CSMD3: variants seen among roughly 807,000 people sequenced by gnomAD.
The protein encoded by CSMD3 is CUB and sushi domain-containing protein 3.
CSMD3 carries 177 observed loss-of-function variants against 435.2 expected under a neutral mutation model. That is an observed-to-expected ratio of 0.41 (90% CI 0.36 to 0.46). The LOEUF is 0.46. CSMD3 is among the 20% of genes least tolerant of loss of function. The probability of loss-of-function intolerance (pLI) is 0.34; values close to 1 mark genes in which losing one functional copy is unlikely to be tolerated. For missense variants in CSMD3, 4,265 were observed against 4,504.6 expected (o/e 0.95, Z 1.52); for synonymous variants, 1,656 against 1,520.5 (o/e 1.09, Z -2.07).
chr8:112,879,322 C>G (rs1185570070), intron 10 of CSMD3, among the ~76,000 whole-genome samples: 1 of 152,056 alleles, frequency 6.6e-6, no homozygotes, highest in African/African-American at 2.4e-5. Flanking sequence ...CCCAGGCTTG[C>G]TAGGATTAGG....
At chr8:112,946,773 G>A (rs980378584) in intron 9 of CSMD3, among the ~76,000 whole-genome samples, 12 of 151,694 alleles carry the variant, frequency 7.9e-5, no homozygotes, top group Admixed American at 2.6e-4. Flanking sequence ...AGTTTCGAGC[G>A]TGGTTAAAGT....
intron 32 of CSMD3, among the ~76,000 whole-genome samples, chr8:112,445,513 G>T (rs551590032): frequency 3.3e-5 from 5 of 152,172 alleles, no homozygotes; most frequent in African/African-American, 1.2e-4. Context: ...GTGGGGGAAG[G>T]TGCCACATTC....
chr8:112,905,880 T>C (rs1383275402), intron 10 of CSMD3, among the ~76,000 whole-genome samples: 1 of 151,438 alleles, frequency 6.6e-6, no homozygotes, highest in East Asian at 2.0e-4. Flanking sequence ...CCTAAATTCA[T>C]ATGTTGATGT....
chr8:112,258,661 G>A (rs936138390), intron 61 of CSMD3, among the ~76,000 whole-genome samples: 9 of 152,144 alleles, frequency 5.9e-5, no homozygotes, highest in Admixed American at 1.3e-4. Flanking sequence ...AAATAGGAAC[G>A]CTTTTACACT....
At chr8:112,746,852 C>A (rs887251466) in intron 13 of CSMD3, among the ~76,000 whole-genome samples, 9 of 152,022 alleles carry the variant, frequency 5.9e-5, no homozygotes, top group Non-Finnish European at 1.3e-4. Flanking sequence ...GATAGAAATT[C>A]CTTTGCTTCT....
intron 5 of CSMD3, among the ~76,000 whole-genome samples, chr8:113,030,849 G>A (rs1215777220): frequency 1.3e-5 from 2 of 151,402 alleles, no homozygotes. Context: ...CACAAAATAA[G>A]AGGAAACTTG....
chr8:113,399,106 T>TATACACACAC (rs773585004), intron 1 of CSMD3, among the ~76,000 whole-genome samples: 1,320 of 94,982 alleles, frequency 0.014, 12 homozygotes, highest in South Asian at 0.02. Context: ...TATATATATA[T>TATACACACAC]ACACACACAC....
intron 27 of CSMD3, among the ~76,000 whole-genome samples, chr8:112,530,753 T>C (rs1451694358): frequency 6.6e-6 from 1 of 152,154 alleles, no homozygotes; most frequent in Non-Finnish European, 1.5e-5. Context: ...CCTACCACAA[T>C]GTAACACAGC....
intron 6 of CSMD3, among the ~76,000 whole-genome samples, chr8:113,015,137 A>C (rs1296630922): frequency 6.6e-6 from 1 of 152,114 alleles, no homozygotes; most frequent in Non-Finnish European, 1.5e-5. Context: ...TGCCAAAGTT[A>C]CTTGTTTTTG....
At chr8:113,211,018 G>T (rs922402157) in intron 3 of CSMD3, among the ~76,000 whole-genome samples, 3 of 152,038 alleles carry the variant, frequency 2.0e-5, no homozygotes, top group African/African-American at 7.2e-5. Flanking sequence ...TTCCAGTCTA[G>T]CTATCATAAT....
chr8:112,524,720 A>C (rs190995752), intron 27 of CSMD3, among the ~76,000 whole-genome samples: 171 of 152,146 alleles, frequency 1.1e-3, no homozygotes, highest in Middle Eastern at 3.4e-3. Flanking sequence ...AACATAATTG[A>C]TATTATATTG....
intron 1 of CSMD3, among the ~76,000 whole-genome samples, chr8:113,366,913 T>G (rs2094315427): frequency 6.6e-6 from 1 of 152,170 alleles, no homozygotes; most frequent in African/African-American, 2.4e-5. Flanking sequence ...ATGTTCTCTT[T>G]TCTCTATAGT....
intron 23 of CSMD3, among the ~76,000 whole-genome samples, chr8:112,586,319 A>G (rs1830727039): frequency 6.6e-6 from 1 of 151,488 alleles, no homozygotes; most frequent in Non-Finnish European, 1.5e-5. Flanking sequence ...CTACATAACT[A>G]TTTTAAAAAC....
chr8:112,578,793 A>G (rs1209150528), intron 23 of CSMD3, among the ~76,000 whole-genome samples: 5 of 152,094 alleles, frequency 3.3e-5, no homozygotes, highest in South Asian at 2.1e-4. Flanking sequence ...AGGAGCAGCC[A>G]TAGACAATAT....
intron 4 of CSMD3, 30 bp downstream of exon 4, chr8:113,173,692 A>G (rs746985316): frequency 5.3e-6 from 8 of 1,523,124 alleles, no homozygotes; most frequent in East Asian, 2.3e-5. Context: ...GCTGATAACA[A>G]CTCTCATTTT....
intron 27 of CSMD3, among the ~76,000 whole-genome samples, chr8:112,522,870 G>A (rs1051581892): frequency 7.3e-5 from 11 of 151,682 alleles, no homozygotes; most frequent in African/African-American, 2.7e-4. Flanking sequence ...AATTTCACTG[G>A]AAATATGCAC....
rs540461798 is a variant in CSMD3, at chr8:112,851,296, A to G, written c.1755+7849T>C. 5.3e-5 allele frequency among the ~76,000 whole-genome samples: 8 copies of G among 152,252 alleles called. No homozygotes were observed. In the South Asian group the frequency reaches 1.7e-3, roughly 32 times the overall value. ...AGAAAGGTAGTTTTTTGGCTTTTAA[A>G]AATTATGGAGAACAGATGGATGCTG... On this transcript the variant is annotated intron_variant, in intron 11 of 70. Transcript: ENST00000297405.
chr8:113,106,303 A>G (rs2090474646), intron 4 of CSMD3, among the ~76,000 whole-genome samples: 1 of 152,108 alleles, frequency 6.6e-6, no homozygotes, highest in African/African-American at 2.4e-5. Context: ...ACGTTAAGAG[A>G]CACAAAATAT....
rs200363241 is a variant in CSMD3, at chr8:112,380,454, T to C, written c.6034A>G (p.Thr2012Ala). The C allele has an allele frequency of 1.1e-4, 167 of 1,503,250 alleles. No homozygotes were observed. The highest frequency in any genetic ancestry group is 1.2e-5 in the Non-Finnish European group (13 of 1,079,586). The allele number at this position is 1,503,250 out of a possible 1,614,324, so 93.1% of individuals were successfully genotyped here. Residue 2012 changes from threonine to alanine, a missense_variant and splice_region_variant, in exon 38 of 71, where the codon ACA becomes GCA. By Grantham distance (58) the Thr-to-Ala change is moderately conservative. This residue lies in a region of CSMD3 where 3,255 missense variants were observed against 3,380.2 expected (regional missense o/e 0.96). Coordinates refer to ENST00000297405, the MANE Select transcript of CSMD3 (RefSeq NM_198123.2). The stretch of plus-strand genomic sequence containing the variant: ...CTATTCAAAAGATGGGGTATTGTTG[T>C]TCCTGAAATGATATATGAGAAGGCA... ...NAPRLGSYSGTTIPHLLNSTS... is the reference protein window; with the variant it reads ...NAPRLGSYSGATIPHLLNSTS...
Sources: allele counts gnomAD v4.1 joint callset (sites outside exome capture counted in the v4.1 genomes callset), GRCh38; gene constraint gnomAD v4.1.1; regional missense constraint gnomAD v4.1.1; transcripts MANE v1.5; gene names NCBI Gene and HGNC (gene_info 2026-07-23, HGNC 2026-07-21).